Variants in LIPI observed in about 807,000 individuals in gnomAD.
The protein encoded by LIPI is lipase I.
In LIPI, 59 loss-of-function variants were observed where a neutral mutation model predicts 50.6. That is an observed-to-expected ratio of 1.16 (90% CI 0.94 to 1.45). LIPI has a LOEUF of 1.45. Ranked by LOEUF, LIPI falls within the 40% of genes most tolerant of loss-of-function variation. The pLI, the probability that LIPI is intolerant of heterozygous loss-of-function variation, is 0.00. For synonymous variants in LIPI, 203 were observed against 178.2 expected (o/e 1.14, Z -1.11); for missense variants, 586 against 536.3 (o/e 1.09, Z -0.92).
chr21:14,190,773 C>T lies in LIPI; in HGVS notation c.47-1354G>A, dbSNP rs77043110. On this transcript the variant is annotated intron_variant, in intron 1 of 9. Transcript: ENST00000681601. ...CACAATACAATATGAATGCATGCTA[C>T]ACCGTGCAAATTGTGTGGGAAATCT... Among the ~76,000 whole-genome samples, 463 of 152,220 alleles carry T rather than the reference C, an allele frequency of 3.0e-3. 2 individuals carry two copies. The highest frequency in any genetic ancestry group is 0.011 in the African/African-American group (447 of 41,536).
At chr21:14,138,237 AT>A (rs903356157) in intron 9 of LIPI, among the ~76,000 whole-genome samples, 2 of 152,084 alleles carry the variant, frequency 1.3e-5, no homozygotes, top group African/African-American at 4.8e-5. Flanking sequence ...ATTAAAAAAG[AT>A]TTCAGGACAA....
At chr21:14,142,437 GTATTA>G (rs2017744480) in intron 9 of LIPI, among the ~76,000 whole-genome samples, 2 of 149,576 alleles carry the variant, frequency 1.3e-5, no homozygotes, top group African/African-American at 4.9e-5. Context: ...TAATAATTAT[GTATTA>G]TATAAGTATA....
chr21:14,141,977 C>G (rs2017726549), intron 9 of LIPI, among the ~76,000 whole-genome samples: 1 of 152,132 alleles, frequency 6.6e-6, no homozygotes, highest in African/African-American at 2.4e-5. Flanking sequence ...ACTACAACTT[C>G]TAGACATCTC....
intron 9 of LIPI, among the ~76,000 whole-genome samples, chr21:14,109,518 A>C (rs2016320780): frequency 6.6e-6 from 1 of 152,066 alleles, no homozygotes; most frequent in Non-Finnish European, 1.5e-5. Context: ...GGAAATAATA[A>C]ATCCTAAAGT....
At chr21:14,171,619 G>T (rs2018910974) in intron 4 of LIPI, among the ~76,000 whole-genome samples, 1 of 150,722 alleles carries the variant, frequency 6.6e-6, no homozygotes, top group African/African-American at 2.4e-5. Flanking sequence ...ATGGGGAAAG[G>T]ATTCCCTATT....
chr21:14,114,650 C>T (rs2016553526), intron 9 of LIPI, among the ~76,000 whole-genome samples: 1 of 152,152 alleles, frequency 6.6e-6, no homozygotes, highest in African/African-American at 2.4e-5. Context: ...CAAAGAGGAA[C>T]TCCAGGATAA....
At chr21:14,166,536 T>C in intron 4 of LIPI, 85 bp from the exon 5 acceptor site, 1 of 772,382 alleles carries the variant, frequency 1.3e-6, no homozygotes, top group Non-Finnish European at 2.3e-6. Flanking sequence ...ATAAAATCCA[T>C]TGAAAGTTAC....
rs1479047241 is a variant in LIPI, at chr21:14,186,026, C to T, written c.476G>A (p.Ser159Asn). 1.2e-6 allele frequency: 2 copies of T among 1,606,198 alleles called. No homozygotes were observed. The highest frequency in any genetic ancestry group is 1.3e-5 in the African/African-American group (1 of 74,964). Residue 159 changes from serine (S) to asparagine (N), a missense_variant, in exon 3 of 10, where the codon AGC (serine) becomes AAC (asparagine). By Grantham distance (46) the Ser-to-Asn change is conservative. Transcript: ENST00000681601. ...SLDNFHFIGV[S>N]LGAHISGFVG... is the part of the protein sequence containing the mutation. ...AAATCCACTGATATGAGCCCCTAAG[C>T]TCACACCTATGAAATGAAAATTGTC...
intron 4 of LIPI, among the ~76,000 whole-genome samples, chr21:14,167,221 G>T (rs1297166999): frequency 6.6e-6 from 1 of 152,208 alleles, no homozygotes; most frequent in Non-Finnish European, 1.5e-5. Flanking sequence ...AGCTTGAACT[G>T]GGTGGAGCCC....
chr21:14,109,959 T>C (rs1401717831), intron 9 of LIPI, among the ~76,000 whole-genome samples: 4 of 151,924 alleles, frequency 2.6e-5, no homozygotes, highest in Non-Finnish European at 5.9e-5. Context: ...AAAAACACTA[T>C]AATTTTGTGA....
intron 4 of LIPI, among the ~76,000 whole-genome samples, chr21:14,168,857 T>G (rs2018788865): frequency 6.6e-6 from 1 of 151,978 alleles, no homozygotes; most frequent in Non-Finnish European, 1.5e-5. Flanking sequence ...AATTCACACA[T>G]AACAATATTA....
chr21:14,155,829 T>C (rs1471565531), intron 7 of LIPI, among the ~76,000 whole-genome samples: 1 of 151,962 alleles, frequency 6.6e-6, no homozygotes, highest in Admixed American at 6.6e-5. Context: ...AGAAGTAATT[T>C]CTTCATACAG....
chr21:14,126,323 TAAAC>T (rs1229052306), intron 9 of LIPI, among the ~76,000 whole-genome samples: 4 of 152,312 alleles, frequency 2.6e-5, no homozygotes, highest in African/African-American at 9.6e-5. Context: ...GGTGGATGAA[TAAAC>T]AAACTGTGGC....
chr21:14,141,328 C>A (rs2123045596), intron 9 of LIPI, among the ~76,000 whole-genome samples: 1 of 151,766 alleles, frequency 6.6e-6, no homozygotes. Flanking sequence ...ATATTTTCTA[C>A]ATTATTGGTC....
intron 8 of LIPI, among the ~76,000 whole-genome samples, chr21:14,145,972 C>T (rs941089953): frequency 7.9e-5 from 12 of 152,102 alleles, no homozygotes; most frequent in African/African-American, 2.7e-4. Flanking sequence ...TTTTCACAGA[C>T]TATAATGTCA....
intron 9 of LIPI, among the ~76,000 whole-genome samples, chr21:14,141,863 C>A: frequency 6.6e-6 from 1 of 152,120 alleles, no homozygotes; most frequent in East Asian, 1.9e-4. Flanking sequence ...TGCTGCCTCT[C>A]GACTGAGGAG....
intron 1 of LIPI, among the ~76,000 whole-genome samples, chr21:14,208,529 T>C (rs916733819): frequency 2.0e-5 from 3 of 152,196 alleles, no homozygotes; most frequent in Admixed American, 6.5e-5. Context: ...TTTACATGTT[T>C]AAATGGTTGG....
At chr21:14,204,247 G>C (rs188184455) in intron 1 of LIPI, among the ~76,000 whole-genome samples, 1 of 151,242 alleles carries the variant, frequency 6.6e-6, no homozygotes, top group African/African-American at 2.4e-5. Context: ...GGTTTAAGCC[G>C]GTTTAAACTA....
intron 7 of LIPI, among the ~76,000 whole-genome samples, chr21:14,155,777 A>G (rs73164217): frequency 0.026 from 3,918 of 152,156 alleles, 72 homozygotes; most frequent in Non-Finnish European, 0.042. Flanking sequence ...AAGAAACAGT[A>G]AAAAACAAAT....
Sources: gnomAD v4.1 joint callset for allele counts (sites outside exome capture counted in the v4.1 genomes callset) on GRCh38, gnomAD v4.1.1 for gene constraint, MANE v1.5 for transcripts, NCBI Gene and HGNC (gene_info 2026-07-23, HGNC 2026-07-21) for gene names.